Variants in MYO18A observed in about 807,000 individuals in gnomAD.
MYO18A encodes unconventional myosin-XVIIIa.
A neutral mutation model predicts 235.8 loss-of-function variants in MYO18A; 78 were observed. The ratio of observed to expected loss-of-function variants is 0.33; its 90% CI spans 0.28 to 0.40. The LOEUF (loss-of-function observed/expected upper bound fraction) is 0.40, where lower values mean the gene tolerates loss of function less well. MYO18A is among the 10% of genes least tolerant of loss of function. The pLI is 1.00. For synonymous variants in MYO18A, 977 were observed against 1,077.8 expected (o/e 0.91, Z 1.83); for missense variants, 2,215 against 2,699.3 (o/e 0.82, Z 3.98).
intron 10 of MYO18A, among the ~76,000 whole-genome samples, chr17:29,116,872 G>A (rs1021920321): frequency 1.3e-5 from 2 of 151,806 alleles, no homozygotes; most frequent in Non-Finnish European, 2.9e-5. Context: ...GCTTGTCACC[G>A]CCTCAGAGTG....
At chr17:29,147,425 G>C (rs759851203) in intron 2 of MYO18A, among the ~76,000 whole-genome samples, 1 of 152,080 alleles carries the variant, frequency 6.6e-6, no homozygotes, top group Non-Finnish European at 1.5e-5. Context: ...GGCTGAAGTG[G>C]GAGGATCACC....
Position 29,085,644 on chromosome 17 carries a change from G to A in MYO18A, c.5857C>T (p.Gln1953Ter). 1 of 1,614,014 alleles carries A rather than the reference G, an allele frequency of 6.2e-7. No individual in the cohort carries two copies. Among genetic ancestry groups the A allele is most frequent in the Non-Finnish European group, 8.5e-7 (1 of 1,179,860 alleles). The change falls in exon 40 of 42, where the codon CAG becomes TAG. Residue 1953 changes from glutamine to a stop codon, truncating the protein, a stop_gained. Coordinates refer to ENST00000527372, the MANE Select transcript of MYO18A (RefSeq NM_078471.4). LOFTEE classifies it high-confidence loss of function. ...DENEDLINSL[Q>*]DMVTKYQKRK... The stretch of plus-strand genomic sequence containing the variant: ...TTCTGATACTTTGTCACCATGTCCT[G>A]CAAACTGGAAATAGAAGGAAAATGG...
intron 1 of MYO18A, among the ~76,000 whole-genome samples, chr17:29,179,437 C>T (rs181308689): frequency 3.3e-5 from 5 of 152,244 alleles, no homozygotes; most frequent in African/African-American, 9.6e-5. Context: ...CACTCCTGGC[C>T]GGGTTTGGGA....
In MYO18A at chr17:29,092,349, C is replaced by T; in HGVS notation, c.5181G>A (p.Lys1727=). Residue 1727 remains lysine (K), a synonymous_variant, in exon 34 of 42, where the codon AAG becomes AAA. Transcript: ENST00000527372. ...HLQIDDIAKA[K]TALEEQLSRL... is the part of the protein sequence containing the mutation. Reference sequence around the variant, plus strand: ...GGGCACCTTGGCCCCTCACCGCTGTCTTGGCTTTGGCGATGTCATCAATCT... The same window carrying T: ...GGGCACCTTGGCCCCTCACCGCTGTTTTGGCTTTGGCGATGTCATCAATCT... 6.2e-7 allele frequency: 1 copy of T among 1,609,962 alleles called. No homozygotes were observed. The highest frequency in any genetic ancestry group is 8.5e-7 in the Non-Finnish European group (1 of 1,179,668).
chr17:29,130,995 C>T (rs539760405), intron 2 of MYO18A, among the ~76,000 whole-genome samples: 3 of 152,216 alleles, frequency 2.0e-5, no homozygotes, highest in Non-Finnish European at 2.9e-5. Flanking sequence ...AGCTCTCATT[C>T]GACGCTCCCT....
Position 29,096,697 on chromosome 17 carries a change from G to A in MYO18A, c.4385+64C>T, listed in dbSNP as rs140114734. 3.2e-5 allele frequency: 47 copies of A among 1,463,246 alleles called. No homozygotes were observed. The East Asian group carries it at 4.5e-4, about 14-fold the overall frequency. 90.6% of individuals were successfully genotyped at this position (1,463,246 alleles called of 1,614,324 possible). A position where few individuals can be genotyped will look rare whatever the true frequency, so the allele number is the denominator to read the frequency against. On this transcript the variant is annotated intron_variant, in intron 28 of 41. Transcript: ENST00000527372. ...CCTTCTTTCCTCCCTGGAGGGCGAG[G>A]AGGCAGTCCTGTCTGTGGCTGCTCC...
intron 41 of MYO18A, chr17:29,081,067 G>A (rs1348139638): frequency 1.1e-6 from 1 of 874,858 alleles, no homozygotes; most frequent in African/African-American, 1.8e-5. Context: ...GGGAGAGAGG[G>A]AGGTTGAGAG....
chr17:29,154,099 A>AGTGTGTGTGTGTGTGTGTGT (rs200703096), intron 2 of MYO18A, among the ~76,000 whole-genome samples: 2 of 149,386 alleles, frequency 1.3e-5, no homozygotes, highest in African/African-American at 5.0e-5. Context: ...TAAATTCTGC[A>AGTGTGTGTGTGTGTGTGTGT]GAGTGTGTGT....
rs762110569 is a variant in MYO18A, at chr17:29,092,928, T to A, written c.5000A>T (p.Asp1667Val). The change falls in exon 33 of 42, where the codon GAT becomes GTT. Residue 1667 changes from aspartate (D) to valine (V), a missense_variant. Transcript: ENST00000527372. ...CAGGTGGTCCAGCATGAGCTGGGCA[T>A]CTGCCAGCAGGGCCTTGGTGCGCTT... ...DLKRTKALLA[D>V]AQLMLDHLKN... The A allele has an allele frequency of 1.9e-6, 3 of 1,613,976 alleles. No homozygotes were observed. In the South Asian group the frequency reaches 3.3e-5, roughly 18 times the overall value.
intron 2 of MYO18A, among the ~76,000 whole-genome samples, chr17:29,130,837 G>A (rs967746780): frequency 1.3e-5 from 2 of 152,264 alleles, no homozygotes; most frequent in South Asian, 4.2e-4. Context: ...CGCTGGGGCT[G>A]GAGGCAGTGA....
In MYO18A at chr17:29,097,771, T is replaced by G. The variant is rs779524144; in HGVS notation, c.4102+17A>C. 6.2e-7 allele frequency: 1 copy of G among 1,602,092 alleles called. No individual in the cohort carries two copies. The highest frequency in any genetic ancestry group is 8.5e-7 in the Non-Finnish European group (1 of 1,172,866). On this transcript the variant is annotated intron_variant, in intron 26 of 41. Coordinates refer to ENST00000527372, the MANE Select transcript of MYO18A (RefSeq NM_078471.4). Reference sequence around the variant, plus strand: ...GCATTGCGGGCCACTGCCGAGCTCCTTGGGCCTCAGGCCCACCTGCATCAT... The same window carrying G: ...GCATTGCGGGCCACTGCCGAGCTCCGTGGGCCTCAGGCCCACCTGCATCAT...
rs1472799417 is a variant in MYO18A, at chr17:29,099,627, G to A, written c.3636+7C>T. 6.2e-7 allele frequency: 1 copy of A among 1,612,796 alleles called. No individual in the cohort carries two copies. The highest frequency in any genetic ancestry group is 8.5e-7 in the Non-Finnish European group (1 of 1,179,324). ...GGGGAGGGGGAGGGATGTCTCTAGA[G>A]CAGCACCTTTCTCTTCTTGAAGTGC... On this transcript the variant is annotated splice_region_variant and intron_variant, in intron 22 of 41. Coordinates refer to ENST00000527372, the MANE Select transcript of MYO18A (RefSeq NM_078471.4).
chr17:29,087,218 C>A lies in MYO18A; in HGVS notation c.5527-97G>T. 3 of 1,275,298 alleles carry A rather than the reference C, an allele frequency of 2.4e-6. No individual in the cohort carries two copies. In the South Asian group the frequency reaches 4.3e-5, roughly 18 times the overall value. 79.0% of individuals were successfully genotyped at this position (1,275,298 alleles called of 1,614,324 possible). A position where few individuals can be genotyped will look rare whatever the true frequency, so the allele number is the denominator to read the frequency against. Reference sequence around the variant, plus strand: ...AGCTCTGGGTGAGGAGGCCTGGGGTCGAGCTCTGGCTCCACCGTTCATTGG... The same window carrying A: ...AGCTCTGGGTGAGGAGGCCTGGGGTAGAGCTCTGGCTCCACCGTTCATTGG... On this transcript the variant is annotated intron_variant, in intron 37 of 41. Coordinates refer to ENST00000527372, the MANE Select transcript of MYO18A (RefSeq NM_078471.4).
intron 2 of MYO18A, among the ~76,000 whole-genome samples, chr17:29,147,986 G>C (rs1476401630): frequency 2.6e-5 from 4 of 151,782 alleles, no homozygotes; most frequent in African/African-American, 9.7e-5. Context: ...ATGGGGAAGA[G>C]AGGGTGACTC....
chr17:29,123,858 C>T (rs960498084), intron 2 of MYO18A, among the ~76,000 whole-genome samples: 7 of 152,126 alleles, frequency 4.6e-5, no homozygotes, highest in Non-Finnish European at 8.8e-5. Flanking sequence ...ACCATCCTGG[C>T]TAACACAGTG....
At chr17:29,100,198 C>A (rs1390397954) in intron 21 of MYO18A, among the ~76,000 whole-genome samples, 1 of 152,236 alleles carries the variant, frequency 6.6e-6, no homozygotes, top group African/African-American at 2.4e-5. Context: ...GGGCTCCAGG[C>A]CCCTCTGACT....
intron 2 of MYO18A, among the ~76,000 whole-genome samples, chr17:29,147,996 CAAG>C (rs886707772): frequency 2.0e-5 from 3 of 150,860 alleles, no homozygotes; most frequent in African/African-American, 7.3e-5. Context: ...GAGGGTGACT[CAAG>C]AGAAAAAATA....
chr17:29,073,948 T>C lies in MYO18A; in HGVS notation c.*822A>G, dbSNP rs116835101. The C allele has an allele frequency of 6.2e-7, 1 of 1,613,872 alleles. No homozygotes were observed. The highest frequency in any genetic ancestry group is 2.2e-5 in the East Asian group (1 of 44,862). ...TGCTTGGATCAGCCCTGAACTGCTG[T>C]AGTTGGAATGGGTTTACCTTAAATA... On this transcript the variant is annotated 3_prime_UTR_variant, in exon 42 of 42. Transcript: ENST00000527372.
At position 29,120,265 on chromosome 17, in the gene MYO18A, A is replaced by G. The variant is rs2067166008; in HGVS notation, c.1728+351T>C. On this transcript the variant is annotated intron_variant, in intron 7 of 41. Coordinates refer to ENST00000527372, the MANE Select transcript of MYO18A (RefSeq NM_078471.4). The surrounding 1 kb of genome is among the most constrained non-coding windows in gnomAD (Gnocchi z 4.2). Reference sequence around the variant, plus strand: ...ATCAGCCTTGGCTGGGCCTTACTTTACTGACAAGCCAGTCCTCTGCTAGGT... The same window carrying G: ...ATCAGCCTTGGCTGGGCCTTACTTTGCTGACAAGCCAGTCCTCTGCTAGGT... Among the ~76,000 whole-genome samples, 1 of 152,212 alleles carries G rather than the reference A, an allele frequency of 6.6e-6. No individual in the cohort carries two copies. The highest frequency in any genetic ancestry group is 6.5e-5 in the Admixed American group (1 of 15,278).
Sources: allele counts gnomAD v4.1 joint callset (sites outside exome capture counted in the v4.1 genomes callset), GRCh38; gene constraint gnomAD v4.1.1; non-coding constraint Gnocchi (gnomAD v3.1); transcripts MANE v1.5; gene names NCBI Gene and HGNC (gene_info 2026-07-23, HGNC 2026-07-21).